The following TAAR5 variants were observed in gnomAD, a reference collection of about 807,000 sequenced individuals.
TAAR5 encodes trace amine-associated receptor 5.
In TAAR5, 27 loss-of-function variants were observed where a neutral mutation model predicts 21.1. The observed-to-expected ratio is 1.28, with a 90% CI of 0.94 to 1.76. The LOEUF (loss-of-function observed/expected upper bound fraction) is 1.76. TAAR5 is among the 40% of genes most tolerant of loss of function. The pLI, the probability that TAAR5 is intolerant of heterozygous loss-of-function variation, is 0.00. For synonymous variants in TAAR5, 203 were observed against 167.5 expected, an observed-to-expected ratio of 1.21 and a Z score of -1.64; for missense variants, 495 against 405.6, an observed-to-expected ratio of 1.22 and a Z score of -1.89.
chr6:132,600,364 A>G, the TAAR5 span, among the ~76,000 whole-genome samples: 2 of 152,186 alleles, frequency 1.3e-5, no homozygotes, highest in Non-Finnish European at 2.9e-5. Context: ...GGTCCAGGAA[A>G]GAACTCAAAT....
chr6:132,601,017 GGGGGAAGGA>G, the TAAR5 span, among the ~76,000 whole-genome samples: 59 of 32,192 alleles, frequency 1.8e-3, no homozygotes, highest in African/African-American at 0.021. Flanking sequence ...AGGAAGGAAG[GGGGGAAGGA>G]GGGAAGGAGG....
chr6:132,599,586 C>A, the TAAR5 span, among the ~76,000 whole-genome samples: 1 of 152,074 alleles, frequency 6.6e-6, no homozygotes, highest in Non-Finnish European at 1.5e-5. Flanking sequence ...GCATCCGCCT[C>A]CCAAAGGGCT....
chr6:132,608,751 C>T, the TAAR5 span: 1 of 455,940 alleles, frequency 2.2e-6, no homozygotes, highest in South Asian at 1.5e-5. Flanking sequence ...TATAGCTCTG[C>T]ATACCGGAAA....
the TAAR5 span, among the ~76,000 whole-genome samples, chr6:132,611,052 G>A: frequency 6.6e-6 from 1 of 152,150 alleles, no homozygotes; most frequent in African/African-American, 2.4e-5. Context: ...GCAGTCCTGG[G>A]ACATGCCTGA....
At chr6:132,601,128 G>A in the TAAR5 span, among the ~76,000 whole-genome samples, 483 of 139,032 alleles carry the variant, frequency 3.5e-3, 7 homozygotes, top group African/African-American at 0.013. Flanking sequence ...AGGGAAGGAG[G>A]GAAAGAAGGA....
the TAAR5 span, among the ~76,000 whole-genome samples, chr6:132,607,358 T>A: frequency 2.6e-5 from 4 of 152,142 alleles, no homozygotes; most frequent in Non-Finnish European, 5.9e-5. Flanking sequence ...ATTTCCCAAT[T>A]CATGAAGGTT....
chr6:132,605,961 T>C, the TAAR5 span, among the ~76,000 whole-genome samples: 1 of 122,980 alleles, frequency 8.1e-6, no homozygotes, highest in East Asian at 2.0e-4. Context: ...TGCAGCAACA[T>C]GTATTAGCTG....
the TAAR5 span, among the ~76,000 whole-genome samples, chr6:132,598,372 CAA>C: frequency 6.6e-6 from 1 of 152,140 alleles, no homozygotes; most frequent in Non-Finnish European, 1.5e-5. Flanking sequence ...AAATAGCAAA[CAA>C]AGAAAATAAA....
At chr6:132,604,016 A>C in the TAAR5 span, among the ~76,000 whole-genome samples, 1 of 152,256 alleles carries the variant, frequency 6.6e-6, no homozygotes, top group Admixed American at 6.5e-5. Context: ...AATAAAAGTT[A>C]CATGTTAAGT....
chr6:132,604,566 C>A, the TAAR5 span, among the ~76,000 whole-genome samples: 2 of 151,912 alleles, frequency 1.3e-5, no homozygotes, highest in African/African-American at 2.4e-5. Context: ...ATAGGGCAAA[C>A]GGGGTGAATG....
chr6:132,598,596 A>G, the TAAR5 span, among the ~76,000 whole-genome samples: 3 of 152,206 alleles, frequency 2.0e-5, no homozygotes, highest in African/African-American at 7.2e-5. Context: ...GTAGGCTCCT[A>G]GCAGGCTGTG....
At chr6:132,615,871 T>C in the TAAR5 span, among the ~76,000 whole-genome samples, 1 of 120,540 alleles carries the variant, frequency 8.3e-6, no homozygotes, top group Non-Finnish European at 1.6e-5. Context: ...TTCACTACCA[T>C]GTATAAACAC....
upstream of TAAR5, among the ~76,000 whole-genome samples, chr6:132,591,595 A>AC: frequency 6.6e-6 from 1 of 152,212 alleles, no homozygotes; most frequent in Non-Finnish European, 1.5e-5. Context: ...ATATTGCATT[A>AC]CTAGGTACCT....
chr6:132,604,558 A>T, the TAAR5 span, among the ~76,000 whole-genome samples: 1 of 152,204 alleles, frequency 6.6e-6, no homozygotes, highest in African/African-American at 2.4e-5. Flanking sequence ...TCCCCCACAT[A>T]GGGCAAACGG....
chr6:132,606,204 C>T, the TAAR5 span, among the ~76,000 whole-genome samples: 5 of 152,110 alleles, frequency 3.3e-5, no homozygotes, highest in African/African-American at 4.8e-5. Context: ...ACATCAGCAT[C>T]GTGTGATATA....
chr6:132,614,468 T>G, the TAAR5 span, among the ~76,000 whole-genome samples: 1 of 152,198 alleles, frequency 6.6e-6, no homozygotes, highest in Admixed American at 6.5e-5. Flanking sequence ...AATTTCTGAT[T>G]CTTTATAAAA....
chr6:132,597,566 A>AT, the TAAR5 span, among the ~76,000 whole-genome samples: 5 of 152,250 alleles, frequency 3.3e-5, no homozygotes, highest in South Asian at 1.0e-3. Flanking sequence ...TAGATACAGC[A>AT]TTTTTTTAAA....
chr6:132,608,272 G>T, the TAAR5 span: 1 of 434,240 alleles, frequency 2.3e-6, no homozygotes, highest in Non-Finnish European at 4.5e-6. Flanking sequence ...AAACAAATTT[G>T]CAGTTTCTGA....
At chr6:132,599,453 C>T in the TAAR5 span, among the ~76,000 whole-genome samples, 7 of 151,056 alleles carry the variant, frequency 4.6e-5, no homozygotes, top group South Asian at 1.0e-3. Context: ...CTCAGCCTCC[C>T]GAGTAGCTGG....
Sources: allele counts gnomAD v4.1 joint callset (sites outside exome capture counted in the v4.1 genomes callset), GRCh38; gene constraint gnomAD v4.1.1; transcripts MANE v1.5; gene names NCBI Gene and HGNC (gene_info 2026-07-23, HGNC 2026-07-21).